The following PUM2 variants were observed in gnomAD, a reference collection of about 807,000 sequenced individuals.
PUM2 encodes pumilio homolog 2.
PUM2 carries 57 observed loss-of-function variants against 124.5 expected under a neutral mutation model. The ratio of observed to expected loss-of-function variants is 0.46; its 90% CI spans 0.37 to 0.57. PUM2 has a LOEUF of 0.57. PUM2 is among the 20% of genes least tolerant of loss of function. The pLI is 0.00. For synonymous variants in PUM2, 460 were observed against 446.1 expected (o/e 1.03, Z -0.39); for missense variants, 1,065 against 1,290.6 (o/e 0.83, Z 2.68).
In PUM2 at chr2:20,261,394, C is replaced by CAAAAAAAAAAAAAAAAAAAAAAA. The variant is rs200294801; in HGVS notation, c.2226-951_2226-929dup. Among the ~76,000 whole-genome samples the CAAAAAAAAAAAAAAAAAAAAAAA allele has an allele frequency of 1.6e-4, 12 of 76,782 alleles. 4 individuals are homozygous for CAAAAAAAAAAAAAAAAAAAAAAA. The highest frequency in any genetic ancestry group is 3.0e-4 in the Non-Finnish European group (11 of 36,902). 50.4% of individuals were successfully genotyped at this position (76,782 alleles called of 152,430 possible). A position where few individuals can be genotyped will look rare whatever the true frequency, so the allele number is the denominator to read the frequency against. ...AAGCGACAGAGTGAGACTCTGTCTC[C>CAAAAAAAAAAAAAAAAAAAAAAA]AAAAAAAAAAAAAAAAAAAAAAAAA... On this transcript the variant is annotated intron_variant, in intron 14 of 20. Coordinates refer to ENST00000361078, the MANE Select transcript of PUM2 (RefSeq NM_015317.5).
chr2:20,258,913 C>T (rs374471989), intron 15 of PUM2, among the ~76,000 whole-genome samples: 1,780 of 151,178 alleles, frequency 0.012, 35 homozygotes, highest in African/African-American at 0.04. Flanking sequence ...ATGATCCACC[C>T]GCCTCGGCCT....
Position 20,311,475 on chromosome 2 carries a change from G to C in PUM2, c.518+19C>G, listed in dbSNP as rs932836821. On this transcript the variant is annotated intron_variant, in intron 5 of 20. Transcript: ENST00000361078. ...CCTAAAAAGATACGCTTTTCTTCTT[G>C]AGAAAGTTAAAATCTTACTTAAAAT... is the stretch of plus-strand genomic sequence containing the variant. 6.3e-7 allele frequency: 1 copy of C among 1,591,874 alleles called. No individual in the cohort carries two copies. The highest frequency in any genetic ancestry group is 8.6e-7 in the Non-Finnish European group (1 of 1,169,442).
At chr2:20,290,317 T>C (rs1270991366) in intron 10 of PUM2, among the ~76,000 whole-genome samples, 1 of 152,218 alleles carries the variant, frequency 6.6e-6, no homozygotes, top group African/African-American at 2.4e-5. Flanking sequence ...GGCAAATAGA[T>C]TGTCTTGCAT....
chr2:20,266,462 A>AAAC (rs201788291), intron 13 of PUM2, among the ~76,000 whole-genome samples: 3 of 151,446 alleles, frequency 2.0e-5, no homozygotes, highest in Non-Finnish European at 2.9e-5. Flanking sequence ...AAACAAAACA[A>AAAC]AACAACAACA....
intron 10 of PUM2, 106 bp from the exon 11 acceptor site, chr2:20,283,592 A>G (rs956153561): frequency 9.7e-6 from 11 of 1,133,912 alleles, no homozygotes; most frequent in Non-Finnish European, 1.4e-5. Flanking sequence ...AGCTATTTGT[A>G]CCATTACTAT....
intron 17 of PUM2, 75 bp from the exon 18 acceptor site, chr2:20,255,416 T>A: frequency 5.1e-6 from 1 of 197,896 alleles, no homozygotes; most frequent in Non-Finnish European, 7.3e-6. Flanking sequence ...GACTGGTTTG[T>A]TTTTTTTTTT....
At position 20,251,614 on chromosome 2, in the gene PUM2, T is replaced by A. The variant is rs764158447; in HGVS notation, c.3166A>T (p.Ile1056Phe). The change falls in exon 21 of 21, where the codon ATT becomes TTT. Residue 1056 changes from isoleucine (I) to phenylalanine (F), a missense_variant. Coordinates refer to ENST00000361078, the MANE Select transcript of PUM2 (RefSeq NM_015317.5). ...YLKNSPDLGPIGGPPNGML is the reference protein window; with the variant it reads ...YLKNSPDLGPFGGPPNGML ...AGCATTCCATTTGGTGGTCCTCCAA[T>A]AGGTCCTAGGTCCGGGCTATTCTTC... is the stretch of plus-strand genomic sequence containing the variant. The A allele has an allele frequency of 1.9e-6, 3 of 1,613,498 alleles. No homozygotes were observed. Among genetic ancestry groups the A allele is most frequent in the African/African-American group, 1.3e-5 (1 of 74,926 alleles).
intron 5 of PUM2, among the ~76,000 whole-genome samples, chr2:20,310,567 T>C (rs1295064132): frequency 6.6e-6 from 1 of 152,056 alleles, no homozygotes; most frequent in African/African-American, 2.4e-5. Context: ...TAGCATTAAA[T>C]GTATTTCTTG....
intron 2 of PUM2, among the ~76,000 whole-genome samples, chr2:20,320,934 C>T (rs1419805690): frequency 6.6e-6 from 1 of 152,104 alleles, no homozygotes. Flanking sequence ...GCTTTTATCC[C>T]ATACTTCATG....
intron 13 of PUM2, among the ~76,000 whole-genome samples, chr2:20,273,271 A>G (rs1045789385): frequency 6.6e-6 from 1 of 152,238 alleles, no homozygotes; most frequent in African/African-American, 2.4e-5. Flanking sequence ...GAATCCCCAC[A>G]ATCATTGTAA....
In PUM2 at chr2:20,278,828, G is replaced by GAAA; in HGVS notation, c.1721-12_1721-10dup. 1 of 1,593,660 alleles carries GAAA rather than the reference G, an allele frequency of 6.3e-7. No homozygotes were observed. The highest frequency in any genetic ancestry group is 8.6e-7 in the Non-Finnish European group (1 of 1,167,940). ...ACTTGCAGAACTGCCAACTGAAGAA[G>GAAA]AAATAAAAAAAACCCTAATTACATA... On this transcript the variant is annotated splice_polypyrimidine_tract_variant and intron_variant, in intron 12 of 20. Coordinates refer to ENST00000361078, the MANE Select transcript of PUM2 (RefSeq NM_015317.5).
At chr2:20,335,611 CT>C (rs1367842245) in intron 1 of PUM2, among the ~76,000 whole-genome samples, 1 of 152,182 alleles carries the variant, frequency 6.6e-6, no homozygotes, top group Non-Finnish European at 1.5e-5. Flanking sequence ...TGTCCAAATA[CT>C]TTCATGGGGG....
intron 3 of PUM2, among the ~76,000 whole-genome samples, chr2:20,313,835 C>CA (rs35569645): frequency 0.06 from 3,259 of 54,602 alleles, 222 homozygotes; most frequent in Non-Finnish European, 0.067. Flanking sequence ...GATCCTGTCT[C>CA]AAAAAAAAAA....
chr2:20,347,805 T>C (rs914686810), intron 1 of PUM2, among the ~76,000 whole-genome samples: 4 of 152,154 alleles, frequency 2.6e-5, no homozygotes, highest in African/African-American at 9.7e-5. Context: ...CAGTCACAAG[T>C]AGCACTGGAC....
At position 20,255,277 on chromosome 2, in the gene PUM2, G is replaced by A. The variant is rs78155898; in HGVS notation, c.2687C>T (p.Thr896Ile). Residue 896 changes from threonine (T) to isoleucine (I), a missense_variant, in exon 18 of 21, where the codon ACT (threonine) becomes ATT (isoleucine). This residue lies in a region of PUM2 where 968 missense variants were observed against 1,159.8 expected (regional missense o/e 0.83). Transcript: ENST00000361078. ...RVIQRILEHC[T>I]AEQTLPILEE... ...TAAGATAGGTAAGGTCTGTTCTGCA[G>A]TGCAATGCTCTAGGATGCGCTGAAT... 6.2e-7 allele frequency: 1 copy of A among 1,608,750 alleles called. No homozygotes were observed. Among genetic ancestry groups the A allele is most frequent in the Non-Finnish European group, 8.5e-7 (1 of 1,175,180 alleles).
Position 20,253,900 on chromosome 2 carries a change from C to A in PUM2, c.2985G>T (p.Lys995Asn), listed in dbSNP as rs773279471. 3.1e-6 allele frequency: 5 copies of A among 1,614,018 alleles called. No homozygotes were observed. Among genetic ancestry groups the A allele is most frequent in the Non-Finnish European group, 4.2e-6 (5 of 1,179,900 alleles). The change falls in exon 20 of 21, where the codon AAG (lysine) becomes AAT (asparagine). Residue 995 changes from lysine (K) to asparagine (N), a missense_variant. Transcript: ENST00000361078. ...GAACCACGTAATTGGCATACTGGTC[C>A]TTCATCATGGTGTATAAGGCACTGT... is the stretch of plus-strand genomic sequence containing the variant. ...GPHSALYTMM[K>N]DQYANYVVQK...
intron 3 of PUM2, among the ~76,000 whole-genome samples, chr2:20,312,856 G>C (rs542326841): frequency 1.3e-5 from 2 of 152,242 alleles, no homozygotes; most frequent in East Asian, 1.9e-4. Context: ...GCATGGTACT[G>C]GTACCAAAAC....
intron 13 of PUM2, among the ~76,000 whole-genome samples, chr2:20,264,571 A>T (rs12472685): frequency 0.36 from 54,762 of 151,248 alleles, 10,041 homozygotes; most frequent in Middle Eastern, 0.43. Flanking sequence ...GGAAATTTTT[A>T]AAATTACAAT....
chr2:20,269,716 A>G (rs183901176), intron 13 of PUM2, among the ~76,000 whole-genome samples: 8 of 152,356 alleles, frequency 5.3e-5, no homozygotes, highest in African/African-American at 1.7e-4. Context: ...TTACAAGCCA[A>G]GTGTTCTAAA....
Sources: gnomAD v4.1 joint callset for allele counts (sites outside exome capture counted in the v4.1 genomes callset) on GRCh38, gnomAD v4.1.1 for gene constraint, gnomAD v4.1.1 regional missense constraint, MANE v1.5 for transcripts, NCBI Gene and HGNC (gene_info 2026-07-23, HGNC 2026-07-21) for gene names.